The following LRRTM3 variants were observed in gnomAD, a reference collection of about 807,000 sequenced individuals.
LRRTM3 encodes leucine-rich repeat transmembrane neuronal protein 3.
Under a neutral mutation model 44.7 loss-of-function variants are expected in LRRTM3, and 24 were observed. The observed-to-expected ratio is 0.54, with a 90% CI of 0.39 to 0.76. The LOEUF is 0.76. Among genes scored for constraint, LRRTM3 ranks in the 30% least tolerant of loss-of-function variants. The probability of loss-of-function intolerance (pLI) is 0.00; values close to 1 mark genes in which losing one functional copy is unlikely to be tolerated. For synonymous variants in LRRTM3, 277 were observed against 278.7 expected (o/e 0.99, Z 0.06); for missense variants, 587 against 702.2 (o/e 0.84, Z 1.85).
intron 2 of LRRTM3, among the ~76,000 whole-genome samples, chr10:66,965,407 T>C (rs1006319984): frequency 1.3e-5 from 2 of 151,712 alleles, no homozygotes. Context: ...TGGTGGCAGG[T>C]GCCTATAGTC....
chr10:66,969,166 A>G (rs1040724899), intron 2 of LRRTM3, among the ~76,000 whole-genome samples: 2 of 152,136 alleles, frequency 1.3e-5, no homozygotes, highest in Non-Finnish European at 2.9e-5. Context: ...TCAAATATTA[A>G]TAAGAAAATG....
At chr10:66,935,864 T>G (rs1208718529) in intron 2 of LRRTM3, among the ~76,000 whole-genome samples, 1 of 150,928 alleles carries the variant, frequency 6.6e-6, no homozygotes, top group East Asian at 1.9e-4. Context: ...CTATACATTT[T>G]CACTTCTTTA....
chr10:67,028,063 C>T (rs142549015), intron 2 of LRRTM3, among the ~76,000 whole-genome samples: 372 of 152,244 alleles, frequency 2.4e-3, no homozygotes, highest in Non-Finnish European at 4.1e-3. Flanking sequence ...AGGGAACTAT[C>T]CAAGGTCACA....
intron 2 of LRRTM3, among the ~76,000 whole-genome samples, chr10:66,930,882 AG>A (rs1564774899): frequency 1.3e-5 from 2 of 152,160 alleles, no homozygotes; most frequent in African/African-American, 4.8e-5. Context: ...ATGGGAAAAA[AG>A]TTCTTTCTTT....
chr10:66,957,212 C>G (rs1848837095), intron 2 of LRRTM3, among the ~76,000 whole-genome samples: 1 of 151,922 alleles, frequency 6.6e-6, no homozygotes, highest in African/African-American at 2.4e-5. Flanking sequence ...CTCCCACAGT[C>G]TGGCTTCACC....
Position 67,099,555 on chromosome 10 carries a change from C to T in LRRTM3, c.*1759C>T, listed in dbSNP as rs918300416. ...AAAATCTAGTTTTATGCAGGTTTGT[C>T]ACAGCAAATGTAAAAGCGGATTCAA... On this transcript the variant is annotated 3_prime_UTR_variant, in exon 3 of 3. Transcript: ENST00000361320. The T allele has an allele frequency of 2.6e-5, 4 of 151,960 alleles. No homozygotes were observed. The highest frequency in any genetic ancestry group is 5.9e-5 in the Non-Finnish European group (4 of 67,744). The allele number at this position is 151,960 out of a possible 1,614,324, so 9.4% of individuals were successfully genotyped here. A position where few individuals can be genotyped will look rare whatever the true frequency, so the allele number is the denominator to read the frequency against.
chr10:66,998,527 AG>A (rs1315170896), intron 2 of LRRTM3, among the ~76,000 whole-genome samples: 1 of 152,192 alleles, frequency 6.6e-6, no homozygotes, highest in East Asian at 1.9e-4. Context: ...ACAATGACAC[AG>A]AAAAGTTGAA....
intron 2 of LRRTM3, among the ~76,000 whole-genome samples, chr10:67,045,516 G>A (rs572381157): frequency 3.3e-5 from 5 of 152,228 alleles, no homozygotes; most frequent in African/African-American, 7.2e-5. Flanking sequence ...GTTCTGCTAC[G>A]TAGGAAACCC....
intron 2 of LRRTM3, among the ~76,000 whole-genome samples, chr10:67,081,002 A>G (rs770577295): frequency 1.3e-5 from 2 of 152,008 alleles, no homozygotes; most frequent in African/African-American, 2.4e-5. Context: ...TCAGCATCCT[A>G]TATTAGAATC....
intron 2 of LRRTM3, among the ~76,000 whole-genome samples, chr10:66,997,090 G>C (rs1358841341): frequency 1.3e-5 from 2 of 152,140 alleles, no homozygotes; most frequent in Non-Finnish European, 2.9e-5. Flanking sequence ...TTTTAGATGT[G>C]ATGGCAAGAA....
At chr10:66,969,572 C>T (rs2132818892) in intron 2 of LRRTM3, among the ~76,000 whole-genome samples, 1 of 152,172 alleles carries the variant, frequency 6.6e-6, no homozygotes, top group South Asian at 2.1e-4. Context: ...ATTTTTGATC[C>T]ATAACACCAC....
rs1028505711 is a variant in LRRTM3, at chr10:66,926,118, G to C, written c.-466G>C. On this transcript the variant is annotated 5_prime_UTR_variant, in exon 1 of 3. Coordinates refer to ENST00000361320, the MANE Select transcript of LRRTM3 (RefSeq NM_178011.5). ...GGTACGGGGCTCTCCTGCCTTCTGG[G>C]CTCCAACGCAGCTCTGTGGCTGAAC... 2.2e-6 allele frequency: 1 copy of C among 458,818 alleles called. No individual in the cohort carries two copies. The highest frequency in any genetic ancestry group is 6.9e-5 in the East Asian group (1 of 14,482). The allele number at this position is 458,818 out of a possible 1,614,324, so 28.4% of individuals were successfully genotyped here. A position where few individuals can be genotyped will look rare whatever the true frequency, so the allele number is the denominator to read the frequency against.
At chr10:67,086,864 A>G (rs2131895693) in intron 2 of LRRTM3, among the ~76,000 whole-genome samples, 1 of 152,138 alleles carries the variant, frequency 6.6e-6, no homozygotes, top group African/African-American at 2.4e-5. Context: ...TGCCATACTT[A>G]TATAAACCTA....
rs189928332 is a variant in LRRTM3, at chr10:66,991,638, G to A, written c.1536+63186G>A. On this transcript the variant is annotated intron_variant, in intron 2 of 2. Coordinates refer to ENST00000361320, the MANE Select transcript of LRRTM3 (RefSeq NM_178011.5). ...GTGATCTTGGCTCACTGCAACCTTC[G>A]CCTCCTGGGTTCAAGTGATTCTCCC... Among the ~76,000 whole-genome samples, 712 of 152,104 alleles carry A rather than the reference G, an allele frequency of 4.7e-3. 9 individuals carry two copies. Among genetic ancestry groups the A allele is most frequent in the African/African-American group, 0.016 (674 of 41,486 alleles).
At chr10:67,041,141 A>T (rs1854366869) in intron 2 of LRRTM3, among the ~76,000 whole-genome samples, 1 of 152,150 alleles carries the variant, frequency 6.6e-6, no homozygotes, top group South Asian at 2.1e-4. Flanking sequence ...AGAACTAGGG[A>T]ATTCAGCCAA....
chr10:67,073,750 AAAATG>A (rs1564872677), intron 2 of LRRTM3, among the ~76,000 whole-genome samples: 2 of 152,214 alleles, frequency 1.3e-5, no homozygotes, highest in African/African-American at 4.8e-5. Flanking sequence ...AGAGATCAAA[AAAATG>A]AAATGAAAGC....
chr10:67,052,585 T>C (rs1483338995), intron 2 of LRRTM3: 1 of 152,196 alleles, frequency 6.6e-6, no homozygotes, highest in African/African-American at 2.4e-5. Context: ...ATCCCATTCT[T>C]CCAGTCTGTG....
intron 2 of LRRTM3, among the ~76,000 whole-genome samples, chr10:66,995,476 T>C (rs78282694): frequency 6.6e-6 from 1 of 152,172 alleles, no homozygotes; most frequent in Non-Finnish European, 1.5e-5. Flanking sequence ...CTCCAAACAT[T>C]CACCAAGTGA....
intron 2 of LRRTM3, among the ~76,000 whole-genome samples, chr10:67,071,745 A>G (rs1856477064): frequency 6.6e-6 from 1 of 152,084 alleles, no homozygotes; most frequent in Non-Finnish European, 1.5e-5. Context: ...ATTTTTACTT[A>G]TGTTTAAAAA....
Sources: gnomAD v4.1 joint callset for allele counts (sites outside exome capture counted in the v4.1 genomes callset) on GRCh38, gnomAD v4.1.1 for gene constraint, MANE v1.5 for transcripts, NCBI Gene and HGNC (gene_info 2026-07-23, HGNC 2026-07-21) for gene names.